Variants in PITPNM3 observed in about 807,000 individuals in gnomAD.
PITPNM3 encodes PITPNM family member 3.
In PITPNM3, 26 loss-of-function variants were observed where a neutral mutation model predicts 102.0. That is an observed-to-expected ratio of 0.25 (90% CI 0.19 to 0.35). The LOEUF (loss-of-function observed/expected upper bound fraction) is 0.35. PITPNM3 is among the 10% of genes least tolerant of loss of function. The pLI is 1.00. For missense variants in PITPNM3, 1,083 were observed against 1,346.1 expected, an observed-to-expected ratio of 0.80 and a Z score of 3.06; for synonymous variants, 578 against 558.6, an observed-to-expected ratio of 1.03 and a Z score of -0.49.
chr17:6,479,608 C>G (rs900538825), intron 6 of PITPNM3: 1 of 152,334 alleles, frequency 6.6e-6, no homozygotes, highest in African/African-American at 2.4e-5. Context: ...TGCCCTTCCC[C>G]CTTAGCTCAA....
chr17:6,462,568 G>A (rs556997084), intron 17 of PITPNM3, among the ~76,000 whole-genome samples: 2 of 152,302 alleles, frequency 1.3e-5, no homozygotes, highest in South Asian at 2.1e-4. Flanking sequence ...AGCAGAATCA[G>A]CCTCTTTCCT....
chr17:6,514,166 G>A (rs187600855), intron 3 of PITPNM3, among the ~76,000 whole-genome samples: 29 of 152,182 alleles, frequency 1.9e-4, no homozygotes, highest in Admixed American at 1.5e-3. Flanking sequence ...ACTTTACAAA[G>A]AAAACATGGG....
chr17:6,484,997 C>A (rs1055920231), intron 4 of PITPNM3, among the ~76,000 whole-genome samples: 24 of 152,126 alleles, frequency 1.6e-4, no homozygotes, highest in African/African-American at 4.6e-4. Flanking sequence ...GCCATTTTCT[C>A]CCCCGGTTCT....
At chr17:6,501,624 T>C (rs1907181690) in intron 4 of PITPNM3, among the ~76,000 whole-genome samples, 1 of 152,144 alleles carries the variant, frequency 6.6e-6, no homozygotes, top group Non-Finnish European at 1.5e-5. Flanking sequence ...ACAAGGGCTC[T>C]GGGCCTTGCA....
chr17:6,507,129 G>A (rs1907573648), intron 3 of PITPNM3, among the ~76,000 whole-genome samples: 1 of 151,996 alleles, frequency 6.6e-6, no homozygotes, highest in African/African-American at 2.4e-5. Flanking sequence ...GCAGGGGAAG[G>A]AGAAGAAAGC....
chr17:6,528,979 A>G (rs17803990), intron 2 of PITPNM3, among the ~76,000 whole-genome samples: 36,084 of 152,066 alleles, frequency 0.24, 4,935 homozygotes, highest in Middle Eastern at 0.39. Flanking sequence ...TCATTTGTAT[A>G]AACGCCCTGG....
intron 18 of PITPNM3, chr17:6,460,858 G>T (rs1904410821): frequency 4.1e-6 from 1 of 242,280 alleles, no homozygotes; most frequent in Admixed American, 5.2e-5. Context: ...GATTGAGTAG[G>T]TCTAAGAGGG....
At chr17:6,521,111 C>T (rs1043373971) in intron 3 of PITPNM3, 3 of 152,346 alleles carry the variant, frequency 2.0e-5, no homozygotes, top group Non-Finnish European at 4.4e-5. Context: ...GACCTGTATA[C>T]TTAAGAACCG....
intron 2 of PITPNM3, among the ~76,000 whole-genome samples, chr17:6,533,866 C>T (rs571882914): frequency 2.6e-5 from 4 of 152,290 alleles, no homozygotes; most frequent in Non-Finnish European, 5.9e-5. Context: ...TCCTGTATCC[C>T]CCACACCCAG....
Position 6,455,502 on chromosome 17 carries a change from T to G in PITPNM3, c.2761A>C (p.Asn921His). Residue 921 changes from asparagine (N) to histidine (H), a missense_variant, in exon 20 of 20, where the codon AAC (asparagine) becomes CAC (histidine). Physicochemically the swap from Asn to His is moderately conservative, Grantham distance 68 (BLOSUM62 1). This residue lies in a region of PITPNM3 where 208 missense variants were observed against 178.2 expected (regional missense o/e 1.17). Coordinates refer to ENST00000262483, the MANE Select transcript of PITPNM3 (RefSeq NM_031220.4). ...HAQPEFLRKR[N>H]HLRRTMSVQQ... ...ACTGACATGGTTCTGCGCAGGTGGT[T>G]GCGCTTCCGCAGGAACTCTGGCTGC... is the stretch of plus-strand genomic sequence containing the variant. 1 of 1,605,940 alleles carries G rather than the reference T, an allele frequency of 6.2e-7. No individual in the cohort carries two copies. The highest frequency in any genetic ancestry group is 8.5e-7 in the Non-Finnish European group (1 of 1,179,578).
intron 15 of PITPNM3, 44 bp from the exon 16 acceptor site, chr17:6,464,362 G>T (rs369956109): frequency 3.7e-6 from 6 of 1,603,888 alleles, no homozygotes; most frequent in East Asian, 2.2e-5. Flanking sequence ...AGGCTGAGGG[G>T]CTACAGGCTT....
chr17:6,496,343 G>A (rs559820820), intron 4 of PITPNM3, among the ~76,000 whole-genome samples: 125 of 151,904 alleles, frequency 8.2e-4, no homozygotes, highest in Non-Finnish European at 1.4e-3. Flanking sequence ...CTTCTGCTCC[G>A]CTCTCCCACA....
In PITPNM3 at chr17:6,455,426, C is replaced by T; in HGVS notation, c.2837G>A (p.Ser946Asn). ...AANPKPERAQ[S>N]QPESDKDHER... The stretch of plus-strand genomic sequence containing the variant: ...GTGGTCTTTGTCCGACTCGGGCTGG[C>T]TCTGGGCCCGCTCGGGCTTGGGGTT... The change falls in exon 20 of 20, where the codon AGC (serine) becomes AAC (asparagine). Residue 946 changes from serine to asparagine, a missense_variant. Physicochemically the swap from Ser to Asn is conservative, Grantham distance 46 (BLOSUM62 1). This residue lies in a region of PITPNM3 where 208 missense variants were observed against 178.2 expected (regional missense o/e 1.17). Transcript: ENST00000262483. The T allele has an allele frequency of 6.2e-7, 1 of 1,603,778 alleles. No homozygotes were observed. Among genetic ancestry groups the T allele is most frequent in the Non-Finnish European group, 8.5e-7 (1 of 1,178,446 alleles).
Position 6,464,100 on chromosome 17 carries a change from C to T in PITPNM3, c.2156+70G>A, listed in dbSNP as rs576850438. The T allele has an allele frequency of 1.6e-4, 264 of 1,610,110 alleles. 2 individuals carry two copies. The South Asian group carries it at 2.8e-3, about 17-fold the overall frequency. On this transcript the variant is annotated intron_variant, in intron 16 of 19. Coordinates refer to ENST00000262483, the MANE Select transcript of PITPNM3 (RefSeq NM_031220.4). The stretch of plus-strand genomic sequence containing the variant: ...CAAAGAACCCCAAGGACCCCATCCT[C>T]TAGACAGGCCTGGCTGGAAGGGCCA...
intron 4 of PITPNM3, among the ~76,000 whole-genome samples, chr17:6,495,789 C>G (rs1413970138): frequency 7.5e-6 from 1 of 133,356 alleles, no homozygotes; most frequent in Non-Finnish European, 1.8e-5. Flanking sequence ...TTCACCAGCA[C>G]AGCTGCAAGG....
intron 2 of PITPNM3, among the ~76,000 whole-genome samples, chr17:6,527,141 C>A (rs530878859): frequency 1.3e-5 from 2 of 152,386 alleles, no homozygotes; most frequent in Admixed American, 1.3e-4. Flanking sequence ...CTCTGTCTAG[C>A]AAGCTGCTGT....
Position 6,469,703 on chromosome 17 carries a change from C to A in PITPNM3, c.1773+557G>T, listed in dbSNP as rs186760068. 0.12 allele frequency among the ~76,000 whole-genome samples: 17,905 copies of A among 152,162 alleles called. 1,488 individuals are homozygous for A. Among genetic ancestry groups the A allele is most frequent in the African/African-American group, 0.24 (9,934 of 41,438 alleles). ...CATGGTTCCTCTCCTGCCGTGAAAA[C>A]AGCAGCCTCAGCCTCAGGGTTTCCT... On this transcript the variant is annotated intron_variant, in intron 13 of 19. Coordinates refer to ENST00000262483, the MANE Select transcript of PITPNM3 (RefSeq NM_031220.4). The surrounding 1 kb of genome is among the most constrained non-coding windows in gnomAD (Gnocchi z 4.0).
rs765821205 is a variant in PITPNM3, at chr17:6,472,698, T to C, written c.1388A>G (p.Tyr463Cys). Residue 463 changes from tyrosine to cysteine, a missense_variant, in exon 11 of 20, where the codon TAC (tyrosine) becomes TGC (cysteine). By Grantham distance (194) the Tyr-to-Cys change is radical. Coordinates refer to ENST00000262483, the MANE Select transcript of PITPNM3 (RefSeq NM_031220.4). This position sits in a 1 kb window ranked among gnomAD's most constrained non-coding sequence, Gnocchi z 4.1. Reference sequence around the variant, plus strand: ...CCCATCGCCCAGTGGGAACCTCTGGTAGCGAGGCACGCTGACAGGCGGCAC... The same window carrying C: ...CCCATCGCCCAGTGGGAACCTCTGGCAGCGAGGCACGCTGACAGGCGGCAC... The part of the protein sequence containing the change: ...HLVPPVSVPR[Y>C]QRFPLGDGQS... 1 of 1,613,828 alleles carries C rather than the reference T, an allele frequency of 6.2e-7. No individual in the cohort carries two copies. Among genetic ancestry groups the C allele is most frequent in the South Asian group, 1.1e-5 (1 of 91,054 alleles).
chr17:6,484,357 G>A (rs1597376685), intron 4 of PITPNM3, 65 bp from the exon 5 acceptor site: 2 of 1,468,982 alleles, frequency 1.4e-6, no homozygotes, highest in East Asian at 2.3e-5. Context: ...ACACTCCCTG[G>A]GCCCAGCTGG....
Sources: gnomAD v4.1 joint callset for allele counts (sites outside exome capture counted in the v4.1 genomes callset) on GRCh38, gnomAD v4.1.1 for gene constraint, gnomAD v4.1.1 regional missense constraint, Gnocchi (gnomAD v3.1) non-coding constraint, MANE v1.5 for transcripts, NCBI Gene and HGNC (gene_info 2026-07-23, HGNC 2026-07-21) for gene names.